KAZN: variants seen among roughly 807,000 people sequenced by gnomAD.
The protein encoded by KAZN is kazrin.
In KAZN, 40 loss-of-function variants were observed where a neutral mutation model predicts 87.4. The observed-to-expected ratio is 0.46, with a 90% confidence interval of 0.36 to 0.60. KAZN has a LOEUF of 0.60. KAZN is among the 20% of genes least tolerant of loss of function. The pLI is 0.00. For synonymous variants in KAZN, 466 were observed against 458.3 expected (o/e 1.02, Z -0.22); for missense variants, 898 against 1,073.9 (o/e 0.84, Z 2.29).
intron 1 of KAZN, among the ~76,000 whole-genome samples, chr1:13,959,720 G>A (rs922490876): frequency 6.6e-6 from 1 of 152,136 alleles, no homozygotes; most frequent in South Asian, 2.1e-4. Context: ...CAGGTGAGAT[G>A]TCCACATCAT....
At chr1:14,556,195 C>T (rs77065901) in intron 2 of KAZN, among the ~76,000 whole-genome samples, 1,907 of 151,740 alleles carry the variant, frequency 0.013, 29 homozygotes, top group South Asian at 0.05. Flanking sequence ...TTGCAAGCTC[C>T]GCCTCCTGGG....
chr1:14,601,471 G>GTTTGTT, intron 1 of KAZN, among the ~76,000 whole-genome samples: 1 of 151,362 alleles, frequency 6.6e-6, no homozygotes, highest in South Asian at 2.1e-4. Flanking sequence ...AGTTGTTTTT[G>GTTTGTT]TTTGTTTTTG....
intron 1 of KAZN, among the ~76,000 whole-genome samples, chr1:14,096,431 G>C (rs1644129680): frequency 6.6e-6 from 1 of 152,204 alleles, no homozygotes; most frequent in South Asian, 2.1e-4. Context: ...CTGATGTTTA[G>C]GAAAAGGTGC....
At chr1:14,829,516 G>T (rs1233034434) in intron 1 of KAZN, among the ~76,000 whole-genome samples, 1 of 152,186 alleles carries the variant, frequency 6.6e-6, no homozygotes, top group African/African-American at 2.4e-5. Flanking sequence ...GCTGCAGTGA[G>T]CTATGATTGT....
In KAZN at chr1:13,909,217, T is replaced by C. The variant is rs368741256; in HGVS notation, c.91+15461T>C. On this transcript the variant is annotated intron_variant, in intron 1 of 16. Coordinates refer to the KAZN transcript ENST00000636203. ...CCAGTTAATTTCACTGGTTCTTAAG[T>C]ACCAACAATAGCAACAATGTATCTG... Among the ~76,000 whole-genome samples the C allele has an allele frequency of 9.2e-5, 14 of 152,330 alleles. No homozygotes were observed. In the East Asian group the frequency reaches 1.9e-3, roughly 21 times the overall value.
chr1:14,113,786 T>TA (rs1644549454), intron 1 of KAZN, among the ~76,000 whole-genome samples: 1 of 152,220 alleles, frequency 6.6e-6, no homozygotes, highest in African/African-American at 2.4e-5. Context: ...TGTCCTGTTC[T>TA]ATGAGGATTT....
chr1:14,368,042 A>G (rs1660159441), intron 2 of KAZN, among the ~76,000 whole-genome samples: 1 of 152,178 alleles, frequency 6.6e-6, no homozygotes, highest in South Asian at 2.1e-4. Context: ...GGGTTTCCTT[A>G]CTTGCGAACG....
chr1:13,899,639 T>C (rs536713141), intron 1 of KAZN, among the ~76,000 whole-genome samples: 23 of 119,316 alleles, frequency 1.9e-4, no homozygotes, highest in African/African-American at 8.0e-4. Context: ...GTTATCTTGG[T>C]TGTCCTTTTT....
chr1:14,218,062 T>G (rs1376075384), intron 2 of KAZN, among the ~76,000 whole-genome samples: 1 of 152,110 alleles, frequency 6.6e-6, no homozygotes, highest in Non-Finnish European at 1.5e-5. Context: ...TAGAGAGTTA[T>G]TAACATACAG....
intron 2 of KAZN, among the ~76,000 whole-genome samples, chr1:14,438,302 C>T (rs566370732): frequency 7.9e-5 from 12 of 152,278 alleles, no homozygotes; most frequent in Non-Finnish European, 8.8e-5. Flanking sequence ...GAGCAAAACA[C>T]GCTAAACAAA....
At chr1:14,705,869 C>A (rs183243336) in intron 1 of KAZN, among the ~76,000 whole-genome samples, 19 of 152,286 alleles carry the variant, frequency 1.2e-4, no homozygotes, top group Admixed American at 1.2e-3. Context: ...TACCAGGGTT[C>A]TCCAACTCCC....
At chr1:14,039,267 T>C (rs1446050786) in intron 1 of KAZN, among the ~76,000 whole-genome samples, 1 of 151,916 alleles carries the variant, frequency 6.6e-6, no homozygotes, top group Non-Finnish European at 1.5e-5. Context: ...GACAAGATGG[T>C]AAATTGCAGA....
intron 1 of KAZN, among the ~76,000 whole-genome samples, chr1:13,943,126 A>G (rs1212767274): frequency 6.6e-6 from 1 of 152,254 alleles, no homozygotes; most frequent in Non-Finnish European, 1.5e-5. Context: ...TCTATAAACC[A>G]CAATCCAAGT....
At position 14,820,525 on chromosome 1, in the gene KAZN, G is replaced by A. The variant is rs183808558; in HGVS notation, c.227-140159G>A. 9.2e-5 allele frequency among the ~76,000 whole-genome samples: 14 copies of A among 152,354 alleles called. No individual in the cohort carries two copies. The highest frequency in any genetic ancestry group is 5.2e-4 in the Admixed American group (8 of 15,300). ...TGCTGGGCTGCACAGCTGCCTGAAC[G>A]AAGCTGGAGCGTGCAGAACAAACTG... is the stretch of plus-strand genomic sequence containing the variant. On this transcript the variant is annotated intron_variant, in intron 1 of 14. Transcript: ENST00000376030. This position sits in a 1 kb window ranked among gnomAD's most constrained non-coding sequence, Gnocchi z 4.1.
intron 1 of KAZN, among the ~76,000 whole-genome samples, chr1:14,619,558 A>C (rs111332389): frequency 0.011 from 1,640 of 152,252 alleles, 33 homozygotes; most frequent in African/African-American, 0.036. Context: ...TGCCATTTAA[A>C]TCATTTTAAA....
chr1:14,843,704 G>A (rs567223178), intron 1 of KAZN, among the ~76,000 whole-genome samples: 1 of 152,008 alleles, frequency 6.6e-6, no homozygotes, highest in Non-Finnish European at 1.5e-5. Flanking sequence ...TGGAATATTC[G>A]CCCCACCCTC....
chr1:14,601,590 G>C lies in KAZN; in HGVS notation c.226+2367G>C, dbSNP rs1016573980. 2.6e-5 allele frequency among the ~76,000 whole-genome samples: 4 copies of C among 152,306 alleles called. No individual in the cohort carries two copies. In the East Asian group the frequency reaches 7.7e-4, roughly 29 times the overall value. On this transcript the variant is annotated intron_variant, in intron 1 of 14. Coordinates refer to ENST00000376030, the MANE Select transcript of KAZN (RefSeq NM_201628.3). ...TCATTATCCTAAAAAGAAGCCTTGA[G>C]TTCTCACACAAGTTAATTTTAAAGT... is the stretch of plus-strand genomic sequence containing the variant.
At chr1:14,121,820 T>A (rs1363245792) in intron 1 of KAZN, among the ~76,000 whole-genome samples, 3 of 152,210 alleles carry the variant, frequency 2.0e-5, no homozygotes, top group Non-Finnish European at 4.4e-5. Context: ...AATAAGCCTC[T>A]TTGAGAAGAT....
At chr1:13,956,776 A>C (rs953224358) in intron 1 of KAZN, among the ~76,000 whole-genome samples, 3 of 152,200 alleles carry the variant, frequency 2.0e-5, no homozygotes, top group African/African-American at 7.2e-5. Flanking sequence ...TGAAGGATGT[A>C]TAGAGAAGAT....
Sources: gnomAD v4.1 joint callset for allele counts (sites outside exome capture counted in the v4.1 genomes callset) on GRCh38, gnomAD v4.1.1 for gene constraint, Gnocchi (gnomAD v3.1) non-coding constraint, MANE v1.5 for transcripts, NCBI Gene and HGNC (gene_info 2026-07-23, HGNC 2026-07-21) for gene names.